Variants in R3HDM1 observed in about 807,000 individuals in gnomAD.
The protein encoded by R3HDM1 is R3H domain containing 1.
Under a neutral mutation model 141.1 loss-of-function variants are expected in R3HDM1, and 46 were observed. The ratio of observed to expected loss-of-function variants is 0.33; its 90% CI spans 0.26 to 0.42. R3HDM1 has a LOEUF of 0.42. R3HDM1 is among the 10% of genes least tolerant of loss of function. The pLI, the probability that R3HDM1 is intolerant of heterozygous loss-of-function variation, is 1.00. For synonymous variants in R3HDM1, 435 were observed against 472.9 expected (o/e 0.92, Z 1.04); for missense variants, 1,184 against 1,368.3 (o/e 0.87, Z 2.12).
intron 21 of R3HDM1, among the ~76,000 whole-genome samples, chr2:135,704,787 C>T (rs2074686919): frequency 6.6e-6 from 1 of 152,070 alleles, no homozygotes; most frequent in East Asian, 1.9e-4. Flanking sequence ...TAGCTGAAAT[C>T]TTACTGTATA....
At chr2:135,720,632 T>TA (rs544003810) in intron 24 of R3HDM1, among the ~76,000 whole-genome samples, 104 of 152,282 alleles carry the variant, frequency 6.8e-4, no homozygotes, top group African/African-American at 2.4e-3. Flanking sequence ...AGGGAATACT[T>TA]ACGAATAATG....
At chr2:135,612,441 ATTT>A (rs2060633532) in intron 3 of R3HDM1, among the ~76,000 whole-genome samples, 1 of 152,106 alleles carries the variant, frequency 6.6e-6, no homozygotes, top group Non-Finnish European at 1.5e-5. Context: ...TTAATTGGTT[ATTT>A]TTGTGCTAAT....
intron 21 of R3HDM1, among the ~76,000 whole-genome samples, chr2:135,704,056 C>G (rs1280814623): frequency 1.3e-5 from 2 of 152,236 alleles, no homozygotes; most frequent in African/African-American, 2.4e-5. Context: ...TCTCAGCTCA[C>G]TGCAACCTCC....
chr2:135,623,034 G>GT, intron 7 of R3HDM1: 6 of 980,752 alleles, frequency 6.1e-6, no homozygotes, highest in Non-Finnish European at 7.3e-6. Context: ...AGAAAAATAG[G>GT]TATCTCACCA....
chr2:135,581,167 C>A (rs1559164419), intron 1 of R3HDM1: 1 of 983,646 alleles, frequency 1.0e-6, no homozygotes, highest in Non-Finnish European at 1.2e-6. Context: ...GAAATCTAAG[C>A]AGGAACTAAT....
At chr2:135,566,920 CG>C (rs894156456) in intron 1 of R3HDM1, 4 of 192,550 alleles carry the variant, frequency 2.1e-5, no homozygotes, top group African/African-American at 4.8e-5. Context: ...TGCACTGAGC[CG>C]AGTACTGCCA....
chr2:135,603,454 T>G (rs1301834717), intron 2 of R3HDM1, among the ~76,000 whole-genome samples: 1 of 152,218 alleles, frequency 6.6e-6, no homozygotes, highest in Non-Finnish European at 1.5e-5. Flanking sequence ...ACAGTGAACA[T>G]CCCTATAACC....
chr2:135,661,482 GTC>G, intron 19 of R3HDM1, 89 bp downstream of exon 19: 1 of 1,472,730 alleles, frequency 6.8e-7, no homozygotes. Flanking sequence ...TACCTACTCA[GTC>G]TCTCAGGATC....
rs185044837 is a variant in R3HDM1, at chr2:135,622,226, A to C, written c.419-428A>C. 125 of 984,156 alleles carry C rather than the reference A, an allele frequency of 1.3e-4. 1 individual carries two copies. The Middle Eastern group carries it at 2.1e-3, about 16-fold the overall frequency. The allele number at this position is 984,156 out of a possible 1,614,324, so 61.0% of individuals were successfully genotyped here. ...TCTTTCACAACTAAAATTTCTATCTACCTCCAAATTATTGCCTCCATTATA... is the reference window on the plus strand; with the variant it reads ...TCTTTCACAACTAAAATTTCTATCTCCCTCCAAATTATTGCCTCCATTATA... On this transcript the variant is annotated intron_variant, in intron 6 of 26. Transcript: ENST00000683871.
At chr2:135,654,884 G>A (rs2065624248) in intron 18 of R3HDM1, among the ~76,000 whole-genome samples, 1 of 150,814 alleles carries the variant, frequency 6.6e-6, no homozygotes, top group South Asian at 2.1e-4. Context: ...GTGTGTGTGT[G>A]TGTGTGTGTG....
intron 1 of R3HDM1, among the ~76,000 whole-genome samples, chr2:135,561,718 C>CA (rs1221014540): frequency 7.0e-6 from 1 of 143,848 alleles, no homozygotes; most frequent in Non-Finnish European, 1.5e-5. Flanking sequence ...GGTCCTGTCT[C>CA]AAAAACAAAA....
intron 21 of R3HDM1, among the ~76,000 whole-genome samples, chr2:135,698,875 C>T (rs1224857716): frequency 6.6e-6 from 1 of 152,012 alleles, no homozygotes; most frequent in Non-Finnish European, 1.5e-5. Flanking sequence ...CATTAGAAAC[C>T]ACCTCCATGA....
chr2:135,542,015 A>G (rs909037773), intron 1 of R3HDM1, among the ~76,000 whole-genome samples: 5 of 152,168 alleles, frequency 3.3e-5, no homozygotes, highest in African/African-American at 1.2e-4. Flanking sequence ...CCAAATTTAA[A>G]CAGGAAATTT....
chr2:135,588,870 T>C (rs555328141), intron 1 of R3HDM1, among the ~76,000 whole-genome samples: 2 of 152,302 alleles, frequency 1.3e-5, no homozygotes, highest in East Asian at 3.9e-4. Context: ...CCATCTGTAT[T>C]TTTCAAATGT....
chr2:135,621,265 T>G (rs2061489112), intron 5 of R3HDM1, among the ~76,000 whole-genome samples: 7 of 152,066 alleles, frequency 4.6e-5, no homozygotes, highest in Admixed American at 4.6e-4. Context: ...ATGTTGAGGA[T>G]TTGTTTTAAT....
chr2:135,687,367 A>G (rs1307401004), intron 21 of R3HDM1, among the ~76,000 whole-genome samples: 1 of 152,214 alleles, frequency 6.6e-6, no homozygotes, highest in Non-Finnish European at 1.5e-5. Flanking sequence ...GCCTATAGTC[A>G]TATTGTGTTG....
intron 2 of R3HDM1, among the ~76,000 whole-genome samples, chr2:135,603,423 T>C (rs985807737): frequency 1.3e-5 from 2 of 152,162 alleles, no homozygotes; most frequent in Admixed American, 1.3e-4. Context: ...TTCAGAAATA[T>C]AGAAAAGTTG....
At chr2:135,720,503 A>G (rs2105467237) in intron 24 of R3HDM1, among the ~76,000 whole-genome samples, 1 of 152,300 alleles carries the variant, frequency 6.6e-6, no homozygotes, top group Admixed American at 6.5e-5. Flanking sequence ...ATCCAAGACA[A>G]AGTTTTTGCA....
At chr2:135,542,424 A>G (rs991728448) in intron 1 of R3HDM1, among the ~76,000 whole-genome samples, 1 of 152,140 alleles carries the variant, frequency 6.6e-6, no homozygotes, top group Non-Finnish European at 1.5e-5. Context: ...TTTTGTTTTC[A>G]CTTTGTATAC....
Sources: allele counts gnomAD v4.1 joint callset (sites outside exome capture counted in the v4.1 genomes callset), GRCh38; gene constraint gnomAD v4.1.1; transcripts MANE v1.5; gene names NCBI Gene and HGNC (gene_info 2026-07-23, HGNC 2026-07-21).